The following VCP variants were observed in gnomAD, a reference collection of about 807,000 sequenced individuals.
VCP encodes the protein valosin containing protein, also known as transitional endoplasmic reticulum ATPase.
Under a neutral mutation model 85.7 loss-of-function variants are expected in VCP, and 6 were observed. The observed-to-expected ratio is 0.07, with a 90% CI of 0.04 to 0.14. VCP has a LOEUF of 0.14. Among genes scored for constraint, VCP ranks in the 10% least tolerant of loss-of-function variants. The pLI is 1.00. For synonymous variants in VCP, 384 were observed against 367.1 expected, an observed-to-expected ratio of 1.05 and a Z score of -0.53; for missense variants, 353 against 1,043.4, an observed-to-expected ratio of 0.34 and a Z score of 9.12.
intron 1 of VCP, among the ~76,000 whole-genome samples, chr9:35,069,483 G>A (rs1401249480): frequency 1.7e-5 from 2 of 114,418 alleles, no homozygotes; most frequent in South Asian, 2.6e-4. Context: ...ATGGAGTTTC[G>A]CTTTTGTTGT....
At chr9:35,063,171 G>A in intron 6 of VCP, 91 bp from the exon 7 acceptor site, 1 of 1,128,170 alleles carries the variant, frequency 8.9e-7, no homozygotes. Context: ...TGAGAATCAG[G>A]CTTCAACCCT....
In VCP at chr9:35,060,849, G is replaced by GTCTT; in HGVS notation, c.1430_1433dup (p.Asp478GlufsTer12). ...GTTTGACATCCTCTAGGCCCCCGAT[G>GTCTT]TCTTCCCAGGTTACCTGTGGCACCT... is the stretch of plus-strand genomic sequence containing the variant. On this transcript the variant is annotated frameshift_variant, in exon 12 of 17. Coordinates refer to ENST00000358901, the MANE Select transcript of VCP (RefSeq NM_007126.5). LOFTEE classifies it high-confidence loss of function. 6.2e-7 allele frequency: 1 copy of GTCTT among 1,614,036 alleles called. No homozygotes were observed. Among genetic ancestry groups the GTCTT allele is most frequent in the African/African-American group, 1.3e-5 (1 of 74,906 alleles).
intron 1 of VCP, chr9:35,071,939 C>T (rs1021802379): frequency 1.4e-5 from 15 of 1,045,122 alleles, no homozygotes; most frequent in Non-Finnish European, 1.7e-5. Flanking sequence ...TCTCCGGGGA[C>T]CAAAGGCTTT....
intron 5 of VCP, 134 bp from the exon 6 acceptor site, chr9:35,064,419 C>T: frequency 8.3e-7 from 1 of 1,202,224 alleles, no homozygotes. Flanking sequence ...GGCATGGTGG[C>T]TCACATCTGT....
At chr9:35,061,750 C>A in intron 9 of VCP, 61 bp from the exon 10 acceptor site, 8 of 1,456,614 alleles carry the variant, frequency 5.5e-6, no homozygotes, top group Non-Finnish European at 7.7e-6. Context: ...AAGAGACAGG[C>A]CTAGGGTGAC....
rs1299837930 is a variant in VCP, at chr9:35,057,055, G to A, written c.*62C>T. The A allele has an allele frequency of 5.1e-6, 8 of 1,569,150 alleles. No homozygotes were observed. The highest frequency in any genetic ancestry group is 2.2e-5 in the South Asian group (2 of 89,972). Reference sequence around the variant, plus strand: ...CCCCTGGTCCCTCTCCTGGGCAAGCGCCCCCACCCCCAGGGAACAAGGTCC... The same window carrying A: ...CCCCTGGTCCCTCTCCTGGGCAAGCACCCCCACCCCCAGGGAACAAGGTCC... On this transcript the variant is annotated 3_prime_UTR_variant, in exon 17 of 17. Coordinates refer to ENST00000358901, the MANE Select transcript of VCP (RefSeq NM_007126.5).
In VCP at chr9:35,058,842, T is replaced by C. The variant is rs16932168; in HGVS notation, c.2160+222A>G. On this transcript the variant is annotated intron_variant, in intron 15 of 16. Coordinates refer to ENST00000358901, the MANE Select transcript of VCP (RefSeq NM_007126.5). ...CACTCTCATACTTTGATTTCCCTCA[T>C]GGAGCTTGGTTCAGACTGAGAATGG... is the stretch of plus-strand genomic sequence containing the variant. 0.023 allele frequency among the ~76,000 whole-genome samples: 3,555 copies of C among 152,342 alleles called. 162 individuals are homozygous for C. The highest frequency in any genetic ancestry group is 0.081 in the African/African-American group (3,356 of 41,568).
At chr9:35,058,110 T>C (rs1828646570) in intron 15 of VCP, among the ~76,000 whole-genome samples, 1 of 152,166 alleles carries the variant, frequency 6.6e-6, no homozygotes. Flanking sequence ...TTTATTCAAA[T>C]TCTACTCTCT....
Position 35,061,067 on chromosome 9 carries a change from G to A in VCP, c.1307C>T (p.Thr436Ile), listed in dbSNP as rs186780925. 5.0e-6 allele frequency: 8 copies of A among 1,614,152 alleles called. No individual in the cohort carries two copies. Among genetic ancestry groups the A allele is most frequent in the Middle Eastern group, 1.6e-4 (1 of 6,062 alleles). The part of the protein sequence containing the change: ...KMDLIDLEDE[T>I]IDAEVMNSLA... Reference sequence around the variant, plus strand: ...AGAGTTCATGACCTCGGCATCAATGGTCTCATCCTCTAGGTCAATGAGATC... The same window carrying A: ...AGAGTTCATGACCTCGGCATCAATGATCTCATCCTCTAGGTCAATGAGATC... Residue 436 changes from threonine to isoleucine, a missense_variant, in exon 11 of 17, where the codon ACC becomes ATC. This residue lies in a region of VCP where 22 missense variants were observed against 31.2 expected (regional missense o/e 0.70). Transcript: ENST00000358901.
chr9:35,069,600 G>GCGC (rs978494040), intron 1 of VCP, among the ~76,000 whole-genome samples: 1 of 152,066 alleles, frequency 6.6e-6, no homozygotes, highest in African/African-American at 2.4e-5. Context: ...TTACAGGCAT[G>GCGC]CGCCACCACA....
chr9:35,069,535 C>A, intron 1 of VCP, among the ~76,000 whole-genome samples: 1 of 150,336 alleles, frequency 6.7e-6, no homozygotes, highest in Admixed American at 6.6e-5. Context: ...TAACTGCAAC[C>A]TCCACCTCCC....
Position 35,059,890 on chromosome 9 carries a change from T to C in VCP, c.1696-89A>G, listed in dbSNP as rs1198187386. On this transcript the variant is annotated intron_variant, in intron 13 of 16. Coordinates refer to ENST00000358901, the MANE Select transcript of VCP (RefSeq NM_007126.5). The surrounding 1 kb of genome is among the most constrained non-coding windows in gnomAD (Gnocchi z 4.9). Reference sequence around the variant, plus strand: ...GCTCACACCTGTATTCCCAGCACTTTGGGAGGCCAAGGTGGGAGGATCACT... The same window carrying C: ...GCTCACACCTGTATTCCCAGCACTTCGGGAGGCCAAGGTGGGAGGATCACT... 8 of 1,557,138 alleles carry C rather than the reference T, an allele frequency of 5.1e-6. No homozygotes were observed. Among genetic ancestry groups the C allele is most frequent in the Middle Eastern group, 3.5e-4 (2 of 5,640 alleles).
intron 1 of VCP, among the ~76,000 whole-genome samples, chr9:35,069,839 A>C (rs1267805548): frequency 1.3e-5 from 2 of 152,246 alleles, no homozygotes; most frequent in African/African-American, 2.4e-5. Flanking sequence ...ACAATGAAGG[A>C]AGCAAAGAAA....
chr9:35,067,667 C>G (rs578158002), intron 3 of VCP, among the ~76,000 whole-genome samples: 1 of 152,178 alleles, frequency 6.6e-6, no homozygotes, highest in African/African-American at 2.4e-5. Flanking sequence ...GTTACAGGAA[C>G]GCCAATTTGT....
At chr9:35,064,046 A>G (rs1235033476) in intron 6 of VCP, 108 bp downstream of exon 6, 2 of 1,560,590 alleles carry the variant, frequency 1.3e-6, no homozygotes, top group Non-Finnish European at 1.8e-6. Flanking sequence ...CCTCTAATCC[A>G]AGGCAATAAT....
intron 1 of VCP, 98 bp from the exon 2 acceptor site, chr9:35,068,460 C>T (rs781630725): frequency 1.1e-5 from 12 of 1,109,556 alleles, no homozygotes; most frequent in Non-Finnish European, 1.5e-5. Context: ...ATAGATGAAG[C>T]TGTCCCTAGA....
At position 35,065,399 on chromosome 9, in the gene VCP, A is replaced by G. The variant is rs769367929; in HGVS notation, c.446-18T>C. 6.2e-6 allele frequency: 10 copies of G among 1,614,078 alleles called. 1 individual carries two copies. The South Asian group carries it at 1.1e-4, about 18-fold the overall frequency. On this transcript the variant is annotated intron_variant, in intron 4 of 16. Coordinates refer to ENST00000358901, the MANE Select transcript of VCP (RefSeq NM_007126.5). ...AATGTCTCCTGCGAGAGCAAACAGTACAAGCACAGTTAGAGGTGTCAACTA... is the reference window on the plus strand; with the variant it reads ...AATGTCTCCTGCGAGAGCAAACAGTGCAAGCACAGTTAGAGGTGTCAACTA...
rs1828667667 is a variant in VCP, at chr9:35,059,015, T to A, written c.2160+49A>T. On this transcript the variant is annotated intron_variant, in intron 15 of 16. Transcript: ENST00000358901. The surrounding 1 kb of genome is among the most constrained non-coding windows in gnomAD (Gnocchi z 4.9). Reference sequence around the variant, plus strand: ...AACTCCAGGGCATGGTGGTGGCTGCTGCCTGGCTCTCCATGATTGGCACAT... The same window carrying A: ...AACTCCAGGGCATGGTGGTGGCTGCAGCCTGGCTCTCCATGATTGGCACAT... 6.2e-7 allele frequency: 1 copy of A among 1,611,008 alleles called. No individual in the cohort carries two copies. The highest frequency in any genetic ancestry group is 1.3e-5 in the African/African-American group (1 of 74,928).
chr9:35,067,825 G>A, intron 3 of VCP, 66 bp downstream of exon 3: 1 of 1,598,726 alleles, frequency 6.3e-7, no homozygotes, highest in Admixed American at 1.7e-5. Flanking sequence ...TAATACATGG[G>A]TCCTGCCTGT....
Sources: gnomAD v4.1 joint callset for allele counts (sites outside exome capture counted in the v4.1 genomes callset) on GRCh38, gnomAD v4.1.1 for gene constraint, gnomAD v4.1.1 regional missense constraint, Gnocchi (gnomAD v3.1) non-coding constraint, MANE v1.5 for transcripts, NCBI Gene and HGNC (gene_info 2026-07-23, HGNC 2026-07-21) for gene names.